Variants in NTRK2 observed in about 807,000 individuals in gnomAD.
NTRK2 encodes the protein neurotrophic receptor tyrosine kinase 2, also known as BDNF/NT-3 growth factors receptor.
NTRK2 carries 13 observed loss-of-function variants against 94.5 expected under a neutral mutation model. The ratio of observed to expected loss-of-function variants is 0.14; its 90% CI spans 0.09 to 0.22. The LOEUF (loss-of-function observed/expected upper bound fraction) is 0.22, where lower values mean the gene tolerates loss of function less well. NTRK2 is among the 10% of genes least tolerant of loss of function. The pLI, the probability that NTRK2 is intolerant of heterozygous loss-of-function variation, is 1.00. For synonymous variants in NTRK2, 372 were observed against 407.4 expected (o/e 0.91, Z 1.05); for missense variants, 639 against 1,071.2 (o/e 0.60, Z 5.63).
In NTRK2 at chr9:84,705,782, C is replaced by G. The variant is rs887236321; in HGVS notation, c.360-2062C>G. 5.5e-5 allele frequency among the ~76,000 whole-genome samples: 6 copies of G among 109,620 alleles called. No individual in the cohort carries two copies. The Admixed American group carries it at 6.3e-4, about 12-fold the overall frequency. The allele number at this position is 109,620 out of a possible 152,430, so 71.9% of individuals were successfully genotyped here. ...GCATTGTATACCAGTGAAACCCATT[C>G]TTTTTTTTTTTTTTTTTTTTTTTAA... On this transcript the variant is annotated intron_variant, in intron 4 of 18. Coordinates refer to ENST00000277120, the MANE Select transcript of NTRK2 (RefSeq NM_006180.6).
chr9:84,770,838 G>T (rs537726363), intron 12 of NTRK2, among the ~76,000 whole-genome samples: 9 of 152,182 alleles, frequency 5.9e-5, no homozygotes, highest in Non-Finnish European at 1.0e-4. Context: ...CACAGAGCTA[G>T]TAATTGGTAG....
intron 14 of NTRK2, among the ~76,000 whole-genome samples, chr9:84,869,209 G>C (rs1219761728): frequency 1.3e-5 from 2 of 152,048 alleles, no homozygotes; most frequent in African/African-American, 4.8e-5. Flanking sequence ...CAAAGGTTTG[G>C]GTTCCTTTTG....
At chr9:84,734,040 C>T (rs2063079611) in intron 9 of NTRK2, among the ~76,000 whole-genome samples, 1 of 152,132 alleles carries the variant, frequency 6.6e-6, no homozygotes, top group Admixed American at 6.5e-5. Flanking sequence ...CTGATTCAGT[C>T]ACAGATCTGA....
chr9:84,990,174 G>A (rs937960574), intron 17 of NTRK2, among the ~76,000 whole-genome samples: 6 of 152,096 alleles, frequency 3.9e-5, no homozygotes, highest in African/African-American at 9.7e-5. Context: ...AAGGCCAGGC[G>A]GATATTCATC....
chr9:84,960,996 GC>G (rs1824852113), intron 17 of NTRK2, among the ~76,000 whole-genome samples: 1 of 152,172 alleles, frequency 6.6e-6, no homozygotes, highest in Admixed American at 6.5e-5. Flanking sequence ...TTTGGGTCTG[GC>G]TTTGAAGTTA....
At chr9:84,959,801 G>A (rs551399755) in intron 17 of NTRK2, among the ~76,000 whole-genome samples, 22 of 152,170 alleles carry the variant, frequency 1.4e-4, no homozygotes, top group African/African-American at 4.6e-4. Context: ...GTCACATTCT[G>A]CCTGTTGGAG....
chr9:84,962,340 A>G (rs2133057582), intron 17 of NTRK2, among the ~76,000 whole-genome samples: 1 of 152,264 alleles, frequency 6.6e-6, no homozygotes, highest in African/African-American at 2.4e-5. Flanking sequence ...CAGAGCCTTT[A>G]ATCTATTGCT....
At chr9:84,706,383 T>C (rs2061062078) in intron 4 of NTRK2, among the ~76,000 whole-genome samples, 1 of 152,056 alleles carries the variant, frequency 6.6e-6, no homozygotes, top group African/African-American at 2.4e-5. Flanking sequence ...AGCTCCTGGT[T>C]GTAATGCCAG....
chr9:84,781,057 G>A (rs2067516399), intron 12 of NTRK2, among the ~76,000 whole-genome samples: 1 of 152,114 alleles, frequency 6.6e-6, no homozygotes, highest in Non-Finnish European at 1.5e-5. Context: ...GGGTGCAAAA[G>A]GGTAAATGTG....
chr9:84,882,840 T>A (rs1290791713), intron 14 of NTRK2, among the ~76,000 whole-genome samples: 3 of 152,224 alleles, frequency 2.0e-5, no homozygotes, highest in African/African-American at 7.2e-5. Context: ...CTCGGCTCAC[T>A]GAAACCTCCG....
At chr9:84,899,277 C>G (rs990124573) in intron 14 of NTRK2, among the ~76,000 whole-genome samples, 1 of 152,162 alleles carries the variant, frequency 6.6e-6, no homozygotes, top group Non-Finnish European at 1.5e-5. Context: ...ACAAAATTAT[C>G]TTATCTAATT....
In NTRK2 at chr9:84,702,058, G is replaced by A. The variant is rs1306645256; in HGVS notation, c.213-101G>A. 9 of 1,005,232 alleles carry A rather than the reference G, an allele frequency of 9.0e-6. No individual in the cohort carries two copies. The East Asian group carries it at 2.0e-4, about 23-fold the overall frequency. 62.3% of individuals were successfully genotyped at this position (1,005,232 alleles called of 1,614,324 possible). A position where few individuals can be genotyped will look rare whatever the true frequency, so the allele number is the denominator to read the frequency against. The stretch of plus-strand genomic sequence containing the variant: ...AAATGGCAAGGCTCAGAGTGGTGTG[G>A]AGGGAGCACCTTGGACACCTGGGTG... On this transcript the variant is annotated intron_variant, in intron 2 of 18. Coordinates refer to ENST00000277120, the MANE Select transcript of NTRK2 (RefSeq NM_006180.6).
intron 15 of NTRK2, among the ~76,000 whole-genome samples, chr9:84,941,546 GTA>G (rs1437174530): frequency 6.6e-6 from 1 of 152,180 alleles, no homozygotes; most frequent in Non-Finnish European, 1.5e-5. Flanking sequence ...TCTCTGGAAT[GTA>G]TGCATTGAAA....
chr9:84,753,185 G>T (rs185482206), intron 12 of NTRK2, among the ~76,000 whole-genome samples: 1 of 152,140 alleles, frequency 6.6e-6, no homozygotes, highest in East Asian at 1.9e-4. Flanking sequence ...AAAAAACCTC[G>T]TCCTGGTTCC....
At chr9:85,000,053 G>T (rs55993585) in intron 17 of NTRK2, among the ~76,000 whole-genome samples, 22,430 of 152,140 alleles carry the variant, frequency 0.15, 1,771 homozygotes, top group Admixed American at 0.22. Context: ...ACAGCCTCGG[G>T]TCACATCCCA....
chr9:84,910,703 C>G lies in NTRK2; in HGVS notation c.1634-23459C>G, dbSNP rs914020912. Among the ~76,000 whole-genome samples the G allele has an allele frequency of 2.6e-5, 4 of 152,252 alleles. No homozygotes were observed. The South Asian group carries it at 8.3e-4, about 32-fold the overall frequency. On this transcript the variant is annotated intron_variant, in intron 14 of 18. Transcript: ENST00000277120. ...ATCATCTGGGCATATCTGTCTGAGT[C>G]TGTTTGGGTTCTCTCTTCTGTTCTA...
intron 12 of NTRK2, among the ~76,000 whole-genome samples, chr9:84,855,023 C>T (rs2074995408): frequency 7.0e-6 from 1 of 143,294 alleles, no homozygotes; most frequent in South Asian, 2.2e-4. Context: ...GCAAAGTGAG[C>T]AGGAATAGGA....
chr9:85,016,846 A>G (rs780481581), intron 17 of NTRK2, among the ~76,000 whole-genome samples: 4 of 152,190 alleles, frequency 2.6e-5, no homozygotes, highest in Admixed American at 6.5e-5. Flanking sequence ...TTATAACAGC[A>G]TGCGTGAAAT....
Position 84,963,116 on chromosome 9 carries a change from G to A in NTRK2, c.2172+7599G>A, listed in dbSNP as rs547727781. On this transcript the variant is annotated intron_variant, in intron 17 of 18. Transcript: ENST00000277120. ...AAACATTAAAACTGCAATCCGAGGA[G>A]GAAGGCCAGGTTGCTGCACAGAGCA... Among the ~76,000 whole-genome samples the A allele has an allele frequency of 3.3e-5, 5 of 152,340 alleles. No homozygotes were observed. The East Asian group carries it at 9.6e-4, about 29-fold the overall frequency.
Sources: gnomAD v4.1 joint callset for allele counts (sites outside exome capture counted in the v4.1 genomes callset) on GRCh38, gnomAD v4.1.1 for gene constraint, MANE v1.5 for transcripts, NCBI Gene and HGNC (gene_info 2026-07-23, HGNC 2026-07-21) for gene names.